Variants in COL24A1 observed in about 807,000 individuals in gnomAD.
COL24A1 encodes the protein collagen alpha-1(XXIV) chain.
In COL24A1, 224 loss-of-function variants were observed where a neutral mutation model predicts 253.9. The observed-to-expected ratio is 0.88, with a 90% confidence interval of 0.79 to 0.99. The LOEUF is 0.99. Ranked by LOEUF, COL24A1 falls within the 50% of genes least tolerant of loss-of-function variation. The pLI is 0.00. For missense variants in COL24A1, 2,131 were observed against 2,068.5 expected (o/e 1.03, Z -0.59); for synonymous variants, 685 against 673.7 (o/e 1.02, Z -0.26).
intron 14 of COL24A1, 118 bp from the exon 15 acceptor site, chr1:86,023,125 T>C (rs1697711702): frequency 2.5e-6 from 2 of 788,412 alleles, no homozygotes; most frequent in Non-Finnish European, 2.0e-6. Context: ...CTCCTACACG[T>C]GCCTTGTTCT....
intron 39 of COL24A1, 151 bp from the exon 40 acceptor site, chr1:85,842,544 C>G: frequency 1.8e-6 from 1 of 556,672 alleles, no homozygotes; most frequent in Non-Finnish European, 3.1e-6. Context: ...AAATAACCCC[C>G]CAACTTTTGT....
At chr1:86,059,043 A>G (rs1700867575) in intron 9 of COL24A1, 78 bp downstream of exon 9, 1 of 883,588 alleles carries the variant, frequency 1.1e-6, no homozygotes, top group Admixed American at 2.8e-5. Context: ...CTATTTGAAC[A>G]TTAATTCTCA....
intron 55 of COL24A1, among the ~76,000 whole-genome samples, chr1:85,754,550 T>TAAAA (rs34069021): frequency 1.4e-4 from 16 of 110,986 alleles, no homozygotes; most frequent in East Asian, 2.6e-4. Flanking sequence ...AAAAAAAAAT[T>TAAAA]AAAAAAAAAA....
At chr1:85,993,834 TATATA>T (rs764847409) in intron 19 of COL24A1, among the ~76,000 whole-genome samples, 7 of 152,098 alleles carry the variant, frequency 4.6e-5, no homozygotes, top group Non-Finnish European at 7.4e-5. Flanking sequence ...TTAGAGAGAA[TATATA>T]ATATATTAGT....
At chr1:85,996,798 T>C (rs915509131) in intron 19 of COL24A1, among the ~76,000 whole-genome samples, 2 of 151,998 alleles carry the variant, frequency 1.3e-5, no homozygotes, top group African/African-American at 4.8e-5. Context: ...TTCTGGAGAC[T>C]GTTTATCTCA....
At chr1:85,857,637 A>G (rs974169450) in intron 37 of COL24A1, among the ~76,000 whole-genome samples, 3 of 152,048 alleles carry the variant, frequency 2.0e-5, no homozygotes, top group African/African-American at 7.3e-5. Context: ...CACAAGACAC[A>G]CAGACTCAAT....
intron 55 of COL24A1, among the ~76,000 whole-genome samples, chr1:85,758,988 C>T (rs1159340537): frequency 7.4e-5 from 2 of 27,004 alleles, no homozygotes; most frequent in African/African-American, 1.1e-4. Flanking sequence ...AGCAGTCCCT[C>T]CCCAATATTT....
At chr1:85,815,793 T>C (rs1423876713) in intron 47 of COL24A1, among the ~76,000 whole-genome samples, 2 of 152,118 alleles carry the variant, frequency 1.3e-5, no homozygotes, top group African/African-American at 4.8e-5. Context: ...TACTGTATTC[T>C]TAAAAGTGTG....
chr1:86,049,399 A>G (rs1700145296), intron 11 of COL24A1, among the ~76,000 whole-genome samples: 1 of 152,228 alleles, frequency 6.6e-6, no homozygotes, highest in Non-Finnish European at 1.5e-5. Flanking sequence ...CTTGCCAGAA[A>G]TGAAAATTTT....
chr1:85,899,211 A>AT (rs35150428), intron 28 of COL24A1, among the ~76,000 whole-genome samples: 48 of 151,514 alleles, frequency 3.2e-4, no homozygotes, highest in Non-Finnish European at 5.7e-4. Flanking sequence ...AACACAGCTA[A>AT]TTTTTTTTTG....
At chr1:86,100,375 AT>A (rs1405006224) in intron 5 of COL24A1, among the ~76,000 whole-genome samples, 2 of 152,090 alleles carry the variant, frequency 1.3e-5, no homozygotes, top group Non-Finnish European at 2.9e-5. Flanking sequence ...CTGAAGTTCA[AT>A]TCTGTAAGGA....
intron 19 of COL24A1, among the ~76,000 whole-genome samples, chr1:85,997,037 A>C (rs1694862877): frequency 1.6e-5 from 1 of 61,610 alleles, no homozygotes. Flanking sequence ...GTATATATAT[A>C]TATATGTGTG....
rs143152470 is a variant in COL24A1 at position 86,000,504 on chromosome 1, G to A, written c.2311-12850C>T. Among the ~76,000 whole-genome samples the A allele has an allele frequency of 1.5e-4, 23 of 152,184 alleles. No homozygotes were observed. The East Asian group carries it at 4.1e-3, about 27-fold the overall frequency. The stretch of plus-strand genomic sequence containing the variant: ...CATGAAATTTCTCATCCAAATCCAA[G>A]TCATAAAAGATATCAAAGAAGTAAA... On this transcript the variant is annotated intron_variant, in intron 19 of 59. Coordinates refer to ENST00000370571, the MANE Select transcript of COL24A1 (RefSeq NM_152890.7).
rs561425270 is a variant in COL24A1 at position 85,823,717 on chromosome 1, G to A, written c.3703C>T (p.Leu1235=). 8.2e-5 allele frequency: 133 copies of A among 1,613,782 alleles called. 1 individual carries two copies. In the South Asian group the frequency reaches 1.4e-3, roughly 17 times the overall value. Residue 1235 remains leucine (L), a synonymous_variant, in exon 44 of 60, where the codon CTA becomes TTA. Coordinates refer to ENST00000370571, the MANE Select transcript of COL24A1 (RefSeq NM_152890.7). ...GYKGHVGVPG[L]RGATGQQGPP... The stretch of plus-strand genomic sequence containing the variant: ...CCTTGTTGTCCAGTGGCACCTCTTA[G>A]TCCTGGTACACCCACATGGCCCTAG...
intron 4 of COL24A1, among the ~76,000 whole-genome samples, chr1:86,114,566 G>A (rs1705940111): frequency 6.6e-6 from 1 of 152,094 alleles, no homozygotes; most frequent in South Asian, 2.1e-4. Context: ...TTTTTTTAAT[G>A]CAAAACAGCT....
chr1:85,919,515 C>T (rs1686236572), intron 24 of COL24A1, among the ~76,000 whole-genome samples: 1 of 151,890 alleles, frequency 6.6e-6, no homozygotes, highest in African/African-American at 2.4e-5. Flanking sequence ...CCTGTCTCTA[C>T]AAAAAAGAAA....
chr1:86,046,979 T>C, intron 11 of COL24A1, 110 bp from the exon 12 acceptor site: 1 of 743,424 alleles, frequency 1.3e-6, no homozygotes, highest in Non-Finnish European at 2.4e-6. Context: ...CAAAAACAAA[T>C]TGTTCTATAA....
rs539845412 is a variant in COL24A1, at chr1:85,870,695, G to A, written c.3139-1860C>T. The stretch of plus-strand genomic sequence containing the variant: ...CCAGAATCTCTGGGACACATTTAAA[G>A]CAGTATGTAGAGGGAAAGTTATAGC... On this transcript the variant is annotated intron_variant, in intron 35 of 59. Coordinates refer to ENST00000370571, the MANE Select transcript of COL24A1 (RefSeq NM_152890.7). Among the ~76,000 whole-genome samples the A allele has an allele frequency of 5.3e-5, 8 of 152,288 alleles. No individual in the cohort carries two copies. The South Asian group carries it at 1.5e-3, about 28-fold the overall frequency.
intron 24 of COL24A1, among the ~76,000 whole-genome samples, chr1:85,914,077 T>C (rs546104732): frequency 1.2e-4 from 19 of 152,126 alleles, no homozygotes; most frequent in Non-Finnish European, 2.4e-4. Flanking sequence ...ATACCTTACA[T>C]TGGTCATTAG....
Sources: gnomAD v4.1 joint callset for allele counts (sites outside exome capture counted in the v4.1 genomes callset) on GRCh38, gnomAD v4.1.1 for gene constraint, MANE v1.5 for transcripts, NCBI Gene and HGNC (gene_info 2026-07-23, HGNC 2026-07-21) for gene names.